Variants in NUP214 observed in about 807,000 individuals in gnomAD.
NUP214 encodes nuclear pore complex protein Nup214.
NUP214 carries 79 observed loss-of-function variants against 196.2 expected under a neutral mutation model. The observed-to-expected ratio is 0.40, with a 90% CI of 0.34 to 0.49. The LOEUF is 0.49. Among genes scored for constraint, NUP214 ranks in the 20% least tolerant of loss-of-function variants. The pLI, the probability that NUP214 is intolerant of heterozygous loss-of-function variation, is 0.58. For missense variants in NUP214, 2,468 were observed against 2,539.0 expected (o/e 0.97, Z 0.60); for synonymous variants, 1,020 against 990.5 (o/e 1.03, Z -0.56).
chr9:131,127,876 C>T (rs2484532), intron 2 of NUP214, among the ~76,000 whole-genome samples, 157 bp downstream of exon 2: 101,342 of 152,054 alleles, frequency 0.67, 34,678 homozygotes, highest in Admixed American at 0.77. Context: ...TCTAGGTTTT[C>T]TCCTTGGTCC....
At position 131,197,728 on chromosome 9, in the gene NUP214, G is replaced by A. The variant is rs140411251; in HGVS notation, c.4234G>A (p.Gly1412Ser). 3.1e-6 allele frequency: 5 copies of A among 1,614,030 alleles called. No individual in the cohort carries two copies. The highest frequency in any genetic ancestry group is 4.5e-5 in the East Asian group (2 of 44,888). ...CAGCACTTCCTCAACTGCCGTTTTT[G>A]GCAGTCTGCCAGTCACCAGTGCAGG... ...ATSTSSTAVF[G>S]SLPVTSAGSS... The change falls in exon 29 of 36, where the codon GGC becomes AGC. Residue 1412 changes from glycine (G) to serine (S), a missense_variant. Around this residue, in one of 5 missense-constraint regions of NUP214, gnomAD observed 1,801 missense variants for 1,779.4 expected, o/e 1.01. Transcript: ENST00000359428.
intron 13 of NUP214, among the ~76,000 whole-genome samples, chr9:131,147,039 C>A (rs1351864137): frequency 3.9e-5 from 6 of 152,034 alleles, no homozygotes; most frequent in Non-Finnish European, 7.4e-5. Flanking sequence ...GAGACCCTCT[C>A]ACTCTCTCAC....
At chr9:131,177,017 G>T (rs1044891591) in intron 23 of NUP214, among the ~76,000 whole-genome samples, 2 of 152,076 alleles carry the variant, frequency 1.3e-5, no homozygotes, top group Admixed American at 6.5e-5. Flanking sequence ...TAGTGCCAGG[G>T]TCAAGAAACA....
intron 31 of NUP214, among the ~76,000 whole-genome samples, chr9:131,221,928 G>GAGTGACAGCTGCTGTGTATGTGGAC (rs1834568893): frequency 6.6e-6 from 1 of 151,114 alleles, no homozygotes; most frequent in Non-Finnish European, 1.5e-5. Flanking sequence ...TGTGGACTTT[G>GAGTGACAGCTGCTGTGTATGTGGAC]TCTGTTTATC....
intron 25 of NUP214, 96 bp downstream of exon 25, chr9:131,187,460 C>CA (rs1331922721): frequency 1.4e-5 from 12 of 874,402 alleles, no homozygotes; most frequent in Non-Finnish European, 1.9e-5. Context: ...GATCTTGGCT[C>CA]ACCGCAACCT....
chr9:131,205,168 T>A (rs1834043643), intron 30 of NUP214, among the ~76,000 whole-genome samples: 1 of 152,074 alleles, frequency 6.6e-6, no homozygotes, highest in Non-Finnish European at 1.5e-5. Context: ...AGAAGGAAAA[T>A]TTGACCTCAC....
In NUP214 at chr9:131,197,635, G is replaced by A. The variant is rs1833828212; in HGVS notation, c.4141G>A (p.Gly1381Arg). ...TAATTTTACTGCCCCCCCGGTGTTA[G>A]GGAAGCACACGGAGCCCCCTGTGAC... The part of the protein sequence containing the change: ...GFNFTAPPVL[G>R]KHTEPPVTSS... Residue 1381 changes from glycine (G) to arginine (R), a missense_variant, in exon 29 of 36, where the codon GGG becomes AGG. Physicochemically the swap from Gly to Arg is moderately radical, Grantham distance 125. Coordinates refer to ENST00000359428, the MANE Select transcript of NUP214 (RefSeq NM_005085.4). 1.9e-6 allele frequency: 3 copies of A among 1,614,004 alleles called. No homozygotes were observed. The highest frequency in any genetic ancestry group is 2.2e-5 in the South Asian group (2 of 91,082).
intron 13 of NUP214, 90 bp from the exon 14 acceptor site, chr9:131,147,400 A>C: frequency 1.0e-6 from 1 of 984,352 alleles, no homozygotes; most frequent in South Asian, 1.5e-5. Context: ...TGTGTAACTT[A>C]ATTTCTTAGA....
At chr9:131,223,730 T>TATTTTTA (rs71372705) in intron 32 of NUP214, among the ~76,000 whole-genome samples, 5 of 14,436 alleles carry the variant, frequency 3.5e-4, no homozygotes, top group African/African-American at 7.9e-4. Context: ...TTTATTTATT[T>TATTTTTA]TTTTTTTTTT....
intron 29 of NUP214, among the ~76,000 whole-genome samples, chr9:131,200,729 C>T (rs1487936171): frequency 2.6e-5 from 4 of 152,036 alleles, no homozygotes; most frequent in African/African-American, 4.8e-5. Flanking sequence ...AGAAAAGAAA[C>T]GAGAGTAGAA....
intron 33 of NUP214, chr9:131,229,535 G>A: frequency 5.7e-6 from 2 of 352,592 alleles, no homozygotes; most frequent in South Asian, 4.2e-5. Flanking sequence ...TTCTTTACTA[G>A]TAGAAAAGTA....
rs1182662338 is a variant in NUP214, at chr9:131,192,290, A to G, written c.3657A>G (p.Ser1219=). The G allele has an allele frequency of 6.3e-7, 1 of 1,584,204 alleles. No homozygotes were observed. Among genetic ancestry groups the G allele is most frequent in the Non-Finnish European group, 8.6e-7 (1 of 1,165,736 alleles). Residue 1219 remains serine, a splice_region_variant and synonymous_variant, in exon 27 of 36, where the codon TCA becomes TCG. Transcript: ENST00000359428. ...GCAAGCCTTTCTCATTTTCTCCATCAGGGTCAGTAATGAACTTAAGTTTTA... is the reference window on the plus strand; with the variant it reads ...GCAAGCCTTTCTCATTTTCTCCATCGGGGTCAGTAATGAACTTAAGTTTTA... ...QFSKPFSFSP[S]GTGFNFGIIT...
chr9:131,212,565 G>A (rs1037327197), intron 30 of NUP214, among the ~76,000 whole-genome samples: 16 of 152,158 alleles, frequency 1.1e-4, no homozygotes, highest in Non-Finnish European at 1.9e-4. Flanking sequence ...AAAATAGAAC[G>A]TATGTTGAAA....
intron 11 of NUP214, among the ~76,000 whole-genome samples, chr9:131,142,785 G>C (rs1831958366): frequency 1.3e-5 from 2 of 152,062 alleles, no homozygotes; most frequent in African/African-American, 4.8e-5. Context: ...TTGGATTTTT[G>C]TTTTCAGAAA....
rs777547488 is a variant in NUP214, at chr9:131,151,834, T to C, written c.2376T>C (p.Ser792=). Reference sequence around the variant, plus strand: ...AACAAAATGAAAGAAATCGTGACTCTGGTTATCTGCATTTGCTTTATAAAA... The same window carrying C: ...AACAAAATGAAAGAAATCGTGACTCCGGTTATCTGCATTTGCTTTATAAAA... ...AREQNERNRD[S]GYLHLLYKRP... The change falls in exon 17 of 36, where the codon TCT becomes TCC. Residue 792 remains serine (S), a synonymous_variant. Transcript: ENST00000359428. 3.1e-6 allele frequency: 5 copies of C among 1,613,566 alleles called. No homozygotes were observed. The highest frequency in any genetic ancestry group is 4.2e-6 in the Non-Finnish European group (5 of 1,179,950).
At position 131,146,337 on chromosome 9, in the gene NUP214, G is replaced by T. The variant is rs771065340; in HGVS notation, c.1945+33G>T. On this transcript the variant is annotated intron_variant, in intron 13 of 35. Transcript: ENST00000359428. This position sits in a 1 kb window ranked among gnomAD's most constrained non-coding sequence, Gnocchi z 4.6. ...TTTAAGCAGACAACTTTAGACCTCA[G>T]CCCTGCCTTCTCAGATTAACGGTTT... 4 of 1,598,276 alleles carry T rather than the reference G, an allele frequency of 2.5e-6. No individual in the cohort carries two copies. The highest frequency in any genetic ancestry group is 1.7e-5 in the Admixed American group (1 of 59,514).
chr9:131,173,883 A>G (rs1349136534), intron 21 of NUP214, among the ~76,000 whole-genome samples, 172 bp from the exon 22 acceptor site: 1 of 152,150 alleles, frequency 6.6e-6, no homozygotes, highest in Non-Finnish European at 1.5e-5. Flanking sequence ...CTGAGCAAAG[A>G]CCCAAAACCA....
At chr9:131,147,178 A>G (rs554819944) in intron 13 of NUP214, among the ~76,000 whole-genome samples, 38 of 151,850 alleles carry the variant, frequency 2.5e-4, no homozygotes, top group African/African-American at 8.9e-4. Context: ...TGTAGAGACA[A>G]AGTCTTGCCA....
intron 33 of NUP214, chr9:131,229,710 T>A (rs1389851021): frequency 1.9e-6 from 1 of 518,926 alleles, no homozygotes; most frequent in Non-Finnish European, 3.8e-6. Context: ...AGGCTGTTGC[T>A]GATGAGGCCC....
Sources: gnomAD v4.1 joint callset for allele counts (sites outside exome capture counted in the v4.1 genomes callset) on GRCh38, gnomAD v4.1.1 for gene constraint, gnomAD v4.1.1 regional missense constraint, Gnocchi (gnomAD v3.1) non-coding constraint, MANE v1.5 for transcripts, NCBI Gene and HGNC (gene_info 2026-07-23, HGNC 2026-07-21) for gene names.